Variants in RBM45 observed in about 807,000 individuals in gnomAD.
RBM45 encodes the protein RNA binding motif protein 45.
A neutral mutation model predicts 58.5 loss-of-function variants in RBM45; 39 were observed. The ratio of observed to expected loss-of-function variants is 0.67; its 90% CI spans 0.52 to 0.87. The LOEUF is 0.87. RBM45 is among the 40% of genes least tolerant of loss of function. The pLI is 0.00. For missense variants in RBM45, 481 were observed against 581.6 expected (o/e 0.83, Z 1.78); for synonymous variants, 193 against 203.0 (o/e 0.95, Z 0.42).
chr2:178,136,288 C>A (rs776232545), intron 3 of RBM45, among the ~76,000 whole-genome samples: 2 of 152,148 alleles, frequency 1.3e-5, no homozygotes, highest in Non-Finnish European at 2.9e-5. Flanking sequence ...CCAGCCTGAG[C>A]GACAGAGCGA....
intron 1 of RBM45, 124 bp from the exon 2 acceptor site, chr2:178,116,138 T>C (rs1030884403): frequency 3.0e-5 from 38 of 1,264,394 alleles, no homozygotes; most frequent in South Asian, 4.8e-5. Context: ...CTTTTTTTTT[T>C]CTTTGAGACC....
downstream of RBM45, among the ~76,000 whole-genome samples, chr2:178,132,189 G>A (rs1382042796): frequency 6.6e-6 from 1 of 152,132 alleles, no homozygotes; most frequent in African/African-American, 2.4e-5. Context: ...GGTCTTGTAT[G>A]GTAGATTACT....
intron 8 of RBM45, among the ~76,000 whole-genome samples, chr2:178,124,535 C>T (rs2087900928): frequency 6.6e-6 from 1 of 152,136 alleles, no homozygotes; most frequent in Non-Finnish European, 1.5e-5. Context: ...TAAAGTGGGC[C>T]TGGTGCAGTG....
chr2:178,125,681 C>A, intron 8 of RBM45: 1 of 537,302 alleles, frequency 1.9e-6, no homozygotes, highest in Non-Finnish European at 3.7e-6. Context: ...AGTAAATGAT[C>A]ATATTTATGT....
intron 8 of RBM45, 137 bp from the exon 9 acceptor site, chr2:178,125,847 A>G: frequency 1.4e-6 from 1 of 716,818 alleles, no homozygotes; most frequent in Non-Finnish European, 2.6e-6. Flanking sequence ...ATTGACTGAG[A>G]TGTTTAAGAT....
At chr2:178,125,730 T>C (rs1255292600) in intron 8 of RBM45, 4 of 629,128 alleles carry the variant, frequency 6.4e-6, no homozygotes, top group Non-Finnish European at 1.2e-5. Context: ...GAAAAATGGA[T>C]TGAAGAGGGA....
At chr2:178,127,094 G>A (rs991125541) in intron 9 of RBM45, among the ~76,000 whole-genome samples, 3 of 152,038 alleles carry the variant, frequency 2.0e-5, no homozygotes, top group Non-Finnish European at 4.4e-5. Context: ...GTACCACCAC[G>A]CCTGGCTAAT....
intron 6 of RBM45, 82 bp downstream of exon 6, chr2:178,123,733 A>G: frequency 6.3e-7 from 1 of 1,590,026 alleles, no homozygotes; most frequent in Admixed American, 1.8e-5. Context: ...AATAGAAACA[A>G]TTGACCTCTC....
chr2:178,123,983 C>A, intron 7 of RBM45, 71 bp downstream of exon 7: 2 of 1,514,716 alleles, frequency 1.3e-6, no homozygotes, highest in Non-Finnish European at 1.8e-6. Context: ...AGAAATCATG[C>A]TTTGTTGATT....
At chr2:178,122,830 C>A (rs775099452) in intron 5 of RBM45, among the ~76,000 whole-genome samples, 1 of 152,042 alleles carries the variant, frequency 6.6e-6, no homozygotes, top group African/African-American at 2.4e-5. Flanking sequence ...TCCAGATGAA[C>A]ATAAATTATA....
At chr2:178,130,503 G>A (rs1287363052), downstream of RBM45, among the ~76,000 whole-genome samples, 4 of 152,048 alleles carry the variant, frequency 2.6e-5, no homozygotes, top group South Asian at 2.1e-4. Context: ...CTGGACAACA[G>A]AGCAAGACCC....
chr2:178,137,460 A>G (rs981285578), exon 4 of RBM45: 1 of 152,234 alleles, frequency 6.6e-6, no homozygotes, highest in South Asian at 2.1e-4. Context: ...GTAGCCCCAA[A>G]GTGGAAACAA....
At chr2:178,126,823 G>A (rs1270558727) in intron 9 of RBM45, among the ~76,000 whole-genome samples, 1 of 152,236 alleles carries the variant, frequency 6.6e-6, no homozygotes, top group East Asian at 1.9e-4. Flanking sequence ...GATACATACA[G>A]CCATATGAAT....
chr2:178,128,754 T>G (rs1188514892), intron 9 of RBM45, among the ~76,000 whole-genome samples: 3 of 152,242 alleles, frequency 2.0e-5, no homozygotes, highest in Non-Finnish European at 4.4e-5. Flanking sequence ...TTCTTCTAAT[T>G]GCAGCATGGC....
chr2:178,122,852 A>C (rs1337610123), intron 5 of RBM45, among the ~76,000 whole-genome samples: 1 of 152,146 alleles, frequency 6.6e-6, no homozygotes, highest in Non-Finnish European at 1.5e-5. Context: ...GTGTTTCCCC[A>C]GTGGTTTGTA....
chr2:178,120,144 A>G (rs2087829246), intron 3 of RBM45, 143 bp from the exon 4 acceptor site: 1 of 970,182 alleles, frequency 1.0e-6, no homozygotes, highest in Non-Finnish European at 1.5e-6. Context: ...AAAGCAAAGA[A>G]GTAGGTCTGG....
chr2:178,120,998 A>T, intron 4 of RBM45, 182 bp from the exon 5 acceptor site: 1 of 406,470 alleles, frequency 2.5e-6, no homozygotes, highest in East Asian at 3.6e-5. Flanking sequence ...AAGGTAGGGG[A>T]GTGGGGAGAG....
chr2:178,112,925 G>A, intron 1 of RBM45, 79 bp downstream of exon 1: 1 of 1,441,704 alleles, frequency 6.9e-7, no homozygotes, highest in Non-Finnish European at 9.4e-7. Context: ...GCTCTGCCGG[G>A]GTGAGGGAGG....
At chr2:178,123,269 G>A (rs1207382545) in intron 5 of RBM45, among the ~76,000 whole-genome samples, 1 of 152,092 alleles carries the variant, frequency 6.6e-6, no homozygotes, top group Non-Finnish European at 1.5e-5. Flanking sequence ...TATTAGACAG[G>A]ACGTATGTTA....
Sources: allele counts gnomAD v4.1 joint callset (sites outside exome capture counted in the v4.1 genomes callset), GRCh38; gene constraint gnomAD v4.1.1; transcripts MANE v1.5; gene names NCBI Gene and HGNC (gene_info 2026-07-23, HGNC 2026-07-21).